TDP1: variants seen among roughly 807,000 people sequenced by gnomAD.
TDP1 encodes the protein tyrosyl-DNA phosphodiesterase 1.
TDP1 carries 64 observed loss-of-function variants against 81.5 expected under a neutral mutation model. The observed-to-expected ratio is 0.79, with a 90% CI of 0.64 to 0.97. The LOEUF is 0.97. Ranked by LOEUF, TDP1 falls within the 50% of genes least tolerant of loss-of-function variation. The pLI, the probability that TDP1 is intolerant of heterozygous loss-of-function variation, is 0.00. For synonymous variants in TDP1, 256 were observed against 264.3 expected, an observed-to-expected ratio of 0.97 and a Z score of 0.30; for missense variants, 723 against 743.8, an observed-to-expected ratio of 0.97 and a Z score of 0.33.
At chr14:89,998,192 C>T (rs989667597) in intron 14 of TDP1, among the ~76,000 whole-genome samples, 3 of 151,686 alleles carry the variant, frequency 2.0e-5, no homozygotes, top group Admixed American at 6.6e-5. Context: ...GCAAAGATCA[C>T]AGGTAGCCCC....
At chr14:90,011,382 A>G (rs1301535282) in intron 14 of TDP1, among the ~76,000 whole-genome samples, 1 of 152,178 alleles carries the variant, frequency 6.6e-6, no homozygotes, top group Non-Finnish European at 1.5e-5. Flanking sequence ...AACAGTTTGG[A>G]GGGCTCAGAA....
chr14:89,975,577 T>TTG lies in TDP1; in HGVS notation c.757-200_757-199dup, dbSNP rs1358614801. 5,386 of 764,576 alleles carry TTG rather than the reference T, an allele frequency of 7.0e-3. 288 individuals are homozygous for TTG. In the African/African-American group the frequency reaches 0.11, roughly 16 times the overall value. The allele number at this position is 764,576 out of a possible 1,614,324, so 47.4% of individuals were successfully genotyped here. A position where few individuals can be genotyped will look rare whatever the true frequency, so the allele number is the denominator to read the frequency against. On this transcript the variant is annotated intron_variant, in intron 6 of 16. Coordinates refer to ENST00000335725, the MANE Select transcript of TDP1 (RefSeq NM_018319.4). ...GTATAATCATTCTGGGTAACAAAATTTGTGTTTTTTTTTTTTTTTTTTTTA... is the reference window on the plus strand; with the variant it reads ...GTATAATCATTCTGGGTAACAAAATTTGTGTGTTTTTTTTTTTTTTTTTTTTA...
intron 15 of TDP1, among the ~76,000 whole-genome samples, chr14:90,029,865 T>TA (rs1887085178): frequency 6.6e-6 from 1 of 152,260 alleles, no homozygotes; most frequent in East Asian, 1.9e-4. Flanking sequence ...TCCTTCTCTG[T>TA]AAAATAGGAG....
chr14:89,959,299 T>C (rs970338891), intron 2 of TDP1, among the ~76,000 whole-genome samples: 3 of 152,256 alleles, frequency 2.0e-5, no homozygotes, highest in African/African-American at 7.2e-5. Flanking sequence ...GCTCTCAGGT[T>C]CTACATTTCT....
chr14:90,032,672 T>A, intron 15 of TDP1: 3 of 884,946 alleles, frequency 3.4e-6, no homozygotes, highest in Non-Finnish European at 4.1e-6. Context: ...TGGAACACTT[T>A]CATTATACAT....
intron 14 of TDP1, among the ~76,000 whole-genome samples, chr14:90,010,834 T>C (rs1778936566): frequency 1.3e-5 from 2 of 152,204 alleles, no homozygotes. Context: ...AGGAAACTAA[T>C]GGGCACTGCA....
intron 14 of TDP1, among the ~76,000 whole-genome samples, chr14:90,002,973 A>G (rs1897307847): frequency 6.6e-6 from 1 of 151,894 alleles, no homozygotes; most frequent in Non-Finnish European, 1.5e-5. Flanking sequence ...GAGTCTCGCC[A>G]TTCACCCAGG....
chr14:90,039,845 C>T (rs1888187463), intron 16 of TDP1, among the ~76,000 whole-genome samples: 1 of 152,164 alleles, frequency 6.6e-6, no homozygotes, highest in Admixed American at 6.5e-5. Context: ...ATTGTATCCT[C>T]ACAACCGCAT....
chr14:90,029,445 C>T (rs1172889638), intron 15 of TDP1, among the ~76,000 whole-genome samples: 4 of 151,434 alleles, frequency 2.6e-5, no homozygotes, highest in Admixed American at 1.3e-4. Context: ...GTCATCCGCC[C>T]GCCTCGGCCT....
intron 15 of TDP1, among the ~76,000 whole-genome samples, chr14:90,027,166 A>G (rs959230619): frequency 1.8e-4 from 28 of 152,040 alleles, no homozygotes; most frequent in African/African-American, 6.5e-4. Context: ...CTGGTGTGAG[A>G]TGGTATCTCA....
chr14:89,976,479 C>A (rs1189293921), intron 7 of TDP1, among the ~76,000 whole-genome samples: 1 of 149,428 alleles, frequency 6.7e-6, no homozygotes, highest in Admixed American at 6.6e-5. Flanking sequence ...TTCACCACTA[C>A]CCCCTCGCTC....
chr14:90,033,313 GAACCCT>G (rs747800013), intron 16 of TDP1, 99 bp downstream of exon 16: 7 of 765,526 alleles, frequency 9.1e-6, no homozygotes, highest in Non-Finnish European at 1.6e-5. Flanking sequence ...CTGGCTCATG[GAACCCT>G]CTGGAAGCTC....
chr14:89,971,325 T>G, intron 6 of TDP1, 54 bp downstream of exon 6: 1 of 1,302,592 alleles, frequency 7.7e-7, no homozygotes, highest in Non-Finnish European at 1.1e-6. Flanking sequence ...AGAAGGAAAC[T>G]TAGACATTTA....
chr14:89,983,993 TG>T, intron 8 of TDP1: 1 of 377,688 alleles, frequency 2.6e-6, no homozygotes, highest in Non-Finnish European at 3.6e-6. Context: ...GTTATGAAAA[TG>T]GGTTTGTTAA....
chr14:89,994,094 G>A (rs1208092745), intron 14 of TDP1, among the ~76,000 whole-genome samples: 2 of 152,130 alleles, frequency 1.3e-5, no homozygotes, highest in Non-Finnish European at 2.9e-5. Context: ...TTGAAAACTA[G>A]AACTTTAGTT....
intron 6 of TDP1, among the ~76,000 whole-genome samples, chr14:89,973,190 G>A (rs1165474391): frequency 1.3e-5 from 2 of 152,020 alleles, no homozygotes; most frequent in African/African-American, 2.4e-5. Flanking sequence ...CCTTTGCTTC[G>A]CAGTTGCCAA....
rs35155680 is a variant in TDP1 at position 89,963,016 on chromosome 14, G to A, written c.-7-92G>A. The A allele has an allele frequency of 7.4e-4, 1,183 of 1,595,684 alleles. 7 individuals are homozygous for A. In the African/African-American group the frequency reaches 0.014, roughly 19 times the overall value. ...GTGGTTCAGCCTCTGGAAGGTGTCA[G>A]CTCATCTGACAGGGAAGTTGAGAGC... On this transcript the variant is annotated intron_variant, in intron 2 of 16. Transcript: ENST00000335725.
chr14:89,979,553 C>A (rs1566866342), intron 7 of TDP1, among the ~76,000 whole-genome samples: 2 of 152,140 alleles, frequency 1.3e-5, no homozygotes, highest in Non-Finnish European at 2.9e-5. Context: ...AGGTGATCTG[C>A]CAGCCTCAGC....
chr14:89,998,436 G>GTATATGTA (rs1555390663), intron 14 of TDP1, among the ~76,000 whole-genome samples: 2 of 106,456 alleles, frequency 1.9e-5, no homozygotes, highest in African/African-American at 1.0e-4. Flanking sequence ...ATGTATGTAT[G>GTATATGTA]TATGTATATG....
Sources: gnomAD v4.1 joint callset for allele counts (sites outside exome capture counted in the v4.1 genomes callset) on GRCh38, gnomAD v4.1.1 for gene constraint, MANE v1.5 for transcripts, NCBI Gene and HGNC (gene_info 2026-07-23, HGNC 2026-07-21) for gene names.